RTL9: variants seen among roughly 807,000 people sequenced by gnomAD.
RTL9 encodes the protein retrotransposon Gag like 9, also known as retrotransposon Gag-like protein 9.
RTL9 carries 19 observed loss-of-function variants against 44.7 expected under a neutral mutation model. That is an observed-to-expected ratio of 0.42 (90% CI 0.30 to 0.62). RTL9 has a LOEUF of 0.62. Ranked by LOEUF, RTL9 falls within the 20% of genes least tolerant of loss-of-function variation. The pLI is 0.16. For missense variants in RTL9, 1,105 were observed against 1,080.6 expected (o/e 1.02, Z -0.32); for synonymous variants, 407 against 398.9 (o/e 1.02, Z -0.24).
At chrX:110,451,789 G>A in exon 1 of RTL9, 2 of 1,211,260 alleles carry the variant, frequency 1.7e-6, no homozygotes, top group East Asian at 3.0e-5. Context: ...CCGCCAGTGA[G>A]AGCAACAGCC....
chrX:110,408,037 G>A (rs991365833), intron 1 of RTL9, among the ~76,000 whole-genome samples: 6 of 112,721 alleles, frequency 5.3e-5, no homozygotes, highest in African/African-American at 1.9e-4. Flanking sequence ...TGTTGGGATG[G>A]AGCAGGAAAC....
chrX:110,408,376 G>A (rs930021133), intron 1 of RTL9, among the ~76,000 whole-genome samples: 5 of 112,161 alleles, frequency 4.5e-5, no homozygotes, highest in African/African-American at 1.6e-4. Context: ...GTATTCAGAG[G>A]ACTGGAAATG....
intron 1 of RTL9, among the ~76,000 whole-genome samples, chrX:110,433,421 A>C (rs2068813212): frequency 9.0e-6 from 1 of 111,697 alleles, no homozygotes; most frequent in African/African-American, 3.3e-5. Context: ...CATCTGTCTT[A>C]TCGCAGGCCT....
At chrX:110,420,176 C>T (rs939130311) in intron 1 of RTL9, among the ~76,000 whole-genome samples, 2 of 111,898 alleles carry the variant, frequency 1.8e-5, no homozygotes, top group East Asian at 5.6e-4. Flanking sequence ...ACAGCACTGG[C>T]CACATTGCAG....
At chrX:110,403,993 C>T (rs1474081210) in intron 1 of RTL9, among the ~76,000 whole-genome samples, 1 of 112,471 alleles carries the variant, frequency 8.9e-6, no homozygotes, top group East Asian at 2.8e-4. Flanking sequence ...TTCTCCAGTG[C>T]TCAGCACACA....
upstream of RTL9, among the ~76,000 whole-genome samples, chrX:110,446,388 T>G (rs1034035269): frequency 9.1e-6 from 1 of 110,455 alleles, no homozygotes; most frequent in African/African-American, 3.3e-5. Flanking sequence ...CCATTAAGCT[T>G]GTCGGGGTAG....
chrX:110,453,078 C>G, exon 1 of RTL9: 1 of 1,210,469 alleles, frequency 8.3e-7, no homozygotes, highest in Non-Finnish European at 1.1e-6. Flanking sequence ...CATGTCTGCT[C>G]CACAAATGAC....
At chrX:110,454,358 G>C (rs995771286) in exon 1 of RTL9, 4 of 1,212,272 alleles carry the variant, frequency 3.3e-6, no homozygotes, top group Non-Finnish European at 4.5e-6. Flanking sequence ...AGGGCCAAAA[G>C]TCAGTCAGGC....
upstream of RTL9, among the ~76,000 whole-genome samples, chrX:110,446,392 G>C (rs1429671080): frequency 9.0e-5 from 10 of 110,832 alleles, no homozygotes; most frequent in Non-Finnish European, 5.7e-5. Flanking sequence ...TAAGCTTGTC[G>C]GGGTAGAAAG....
At chrX:110,428,952 C>T (rs1042361224) in intron 1 of RTL9, among the ~76,000 whole-genome samples, 14 of 112,231 alleles carry the variant, frequency 1.2e-4, no homozygotes, top group African/African-American at 1.6e-4. Flanking sequence ...GTGTATCCAG[C>T]GCACTGGCCA....
chrX:110,362,538 G>T (rs1393525352), intron 1 of RTL9, among the ~76,000 whole-genome samples: 1 of 112,333 alleles, frequency 8.9e-6, no homozygotes, highest in Non-Finnish European at 1.9e-5. Flanking sequence ...ACTCCCAGAA[G>T]CTGGGCGACT....
At chrX:110,361,352 T>G (rs748072977) in intron 1 of RTL9, among the ~76,000 whole-genome samples, 1 of 112,059 alleles carries the variant, frequency 8.9e-6, no homozygotes, top group East Asian at 2.8e-4. Flanking sequence ...CACAATGATC[T>G]GCTTCCTGGA....
intron 1 of RTL9, among the ~76,000 whole-genome samples, chrX:110,436,979 T>C (rs1192533944): frequency 3.6e-5 from 4 of 112,076 alleles, no homozygotes; most frequent in African/African-American, 6.5e-5. Flanking sequence ...TGGACCCTGA[T>C]CTCCCAGAAG....
chrX:110,450,894 C>T, exon 1 of RTL9: 1 of 1,211,673 alleles, frequency 8.3e-7, no homozygotes, highest in Non-Finnish European at 1.1e-6. Context: ...ACCCCTAATG[C>T]CAGCCTCAGA....
intron 1 of RTL9, among the ~76,000 whole-genome samples, chrX:110,399,647 A>G (rs1225951939): frequency 1.8e-5 from 2 of 112,110 alleles, no homozygotes; most frequent in Non-Finnish European, 3.8e-5. Flanking sequence ...CTTACAAATA[A>G]ATGATTAATA....
At chrX:110,417,331 A>G (rs1223900292), upstream of RTL9, among the ~76,000 whole-genome samples, 3 of 112,204 alleles carry the variant, frequency 2.7e-5, no homozygotes, top group Non-Finnish European at 3.8e-5. Flanking sequence ...TGGGTTTTCA[A>G]TTCAATTCAA....
chrX:110,432,555 C>T (rs2068805265), intron 1 of RTL9, among the ~76,000 whole-genome samples: 1 of 111,995 alleles, frequency 8.9e-6, no homozygotes, highest in South Asian at 3.8e-4. Context: ...AACCTGTGAG[C>T]GTGGCACCTC....
At chrX:110,399,431 A>G (rs934844178) in intron 1 of RTL9, among the ~76,000 whole-genome samples, 1 of 112,620 alleles carries the variant, frequency 8.9e-6, no homozygotes, top group African/African-American at 3.2e-5. Flanking sequence ...ATTTGCGCTC[A>G]CAGCAGGTGG....
At chrX:110,423,642 T>G (rs890542854) in intron 1 of RTL9, among the ~76,000 whole-genome samples, 6 of 112,472 alleles carry the variant, frequency 5.3e-5, no homozygotes, top group Non-Finnish European at 9.4e-5. Flanking sequence ...GGAAAGGAAC[T>G]AAGGTGATCA....
Sources: gnomAD v4.1 joint callset for allele counts (sites outside exome capture counted in the v4.1 genomes callset) on GRCh38, gnomAD v4.1.1 for gene constraint, MANE v1.5 for transcripts, NCBI Gene and HGNC (gene_info 2026-07-23, HGNC 2026-07-21) for gene names.